The following ATF7IP2 variants were observed in gnomAD, a reference collection of about 807,000 sequenced individuals.
ATF7IP2 encodes the protein activating transcription factor 7 interacting protein 2.
In ATF7IP2, 42 loss-of-function variants were observed where a neutral mutation model predicts 64.2. The ratio of observed to expected loss-of-function variants is 0.65; its 90% CI spans 0.51 to 0.85. ATF7IP2 has a LOEUF of 0.85. Ranked by LOEUF, ATF7IP2 falls within the 40% of genes least tolerant of loss-of-function variation. ATF7IP2 has a pLI of 0.00. For synonymous variants in ATF7IP2, 308 were observed against 272.8 expected (o/e 1.13, Z -1.27); for missense variants, 933 against 784.2 (o/e 1.19, Z -2.27).
chr16:10,473,338 A>T, intron 10 of ATF7IP2, 141 bp from the exon 11 acceptor site: 1 of 551,532 alleles, frequency 1.8e-6, no homozygotes, highest in Non-Finnish European at 3.3e-6. Flanking sequence ...TCTTTGGAAT[A>T]GGTAAAGTCA....
intron 6 of ATF7IP2, among the ~76,000 whole-genome samples, chr16:10,436,040 G>A (rs2048408484): frequency 1.3e-5 from 2 of 152,136 alleles, no homozygotes; most frequent in East Asian, 1.9e-4. Context: ...GAAACCACAC[G>A]AGTAATAGGT....
At position 10,483,571 on chromosome 16, in the gene ATF7IP2, G is replaced by T. The variant is rs945362317; in HGVS notation, c.*1322G>T. ...AGTTCAGGCTCCAGAGACTCAAAAC[G>T]GAATGGTTTTCCTTGGCATTTTGTA... On this transcript the variant is annotated 3_prime_UTR_variant, in exon 14 of 14. Coordinates refer to ENST00000562102, the MANE Select transcript of ATF7IP2 (RefSeq NM_001393719.1). 6.6e-6 allele frequency: 1 copy of T among 152,134 alleles called. No homozygotes were observed. Among genetic ancestry groups the T allele is most frequent in the Admixed American group, 6.5e-5 (1 of 15,268 alleles). 9.4% of individuals were successfully genotyped at this position (152,134 alleles called of 1,614,324 possible).
In ATF7IP2 at chr16:10,394,243, C is replaced by G. The variant is rs180851554; in HGVS notation, c.-242+8121C>G. Among the ~76,000 whole-genome samples, 422 of 152,230 alleles carry G rather than the reference C, an allele frequency of 2.8e-3. 2 individuals are homozygous for G. Among genetic ancestry groups the G allele is most frequent in the African/African-American group, 9.7e-3 (402 of 41,548 alleles). On this transcript the variant is annotated intron_variant, in intron 1 of 13. Coordinates refer to ENST00000562102, the MANE Select transcript of ATF7IP2 (RefSeq NM_001393719.1). Reference sequence around the variant, plus strand: ...AGCAACCATAGTAAAGCTATCGTGCCTATACTGATTTCAGACAAAATATAC... The same window carrying G: ...AGCAACCATAGTAAAGCTATCGTGCGTATACTGATTTCAGACAAAATATAC...
intron 12 of ATF7IP2, among the ~76,000 whole-genome samples, chr16:10,476,995 A>C (rs938270724): frequency 6.6e-6 from 1 of 152,202 alleles, no homozygotes; most frequent in Non-Finnish European, 1.5e-5. Flanking sequence ...AGAATGATTA[A>C]TATTCCTTTG....
chr16:10,456,570 C>T (rs947438616), intron 8 of ATF7IP2, among the ~76,000 whole-genome samples: 1 of 152,218 alleles, frequency 6.6e-6, no homozygotes, highest in Non-Finnish European at 1.5e-5. Context: ...TAGCTTCATT[C>T]TTCTGGCTCC....
chr16:10,464,085 C>G (rs2049468898), intron 9 of ATF7IP2, among the ~76,000 whole-genome samples: 1 of 151,822 alleles, frequency 6.6e-6, no homozygotes, highest in Non-Finnish European at 1.5e-5. Flanking sequence ...ATCTTGGTCT[C>G]TCTAGTTATT....
At chr16:10,472,958 TC>T (rs35764338) in intron 10 of ATF7IP2, among the ~76,000 whole-genome samples, 7 of 152,310 alleles carry the variant, frequency 4.6e-5, no homozygotes, top group Admixed American at 4.6e-4. Context: ...TATTCAAAAT[TC>T]CCCATTTTCA....
intron 1 of ATF7IP2, among the ~76,000 whole-genome samples, chr16:10,387,934 G>A (rs887872888): frequency 1.3e-5 from 2 of 148,852 alleles, no homozygotes; most frequent in African/African-American, 2.5e-5. Context: ...GCAGAGATTC[G>A]CTCTTTGGCT....
chr16:10,468,249 G>T (rs1426127593), intron 9 of ATF7IP2, among the ~76,000 whole-genome samples: 1 of 152,146 alleles, frequency 6.6e-6, no homozygotes, highest in Admixed American at 6.5e-5. Context: ...AATGGCAAAT[G>T]TTAGAGTCCC....
At chr16:10,412,032 T>TTTTTTTTTTTTG (rs2047777430) in intron 1 of ATF7IP2, among the ~76,000 whole-genome samples, 1 of 145,226 alleles carries the variant, frequency 6.9e-6, no homozygotes, top group African/African-American at 2.6e-5. Flanking sequence ...TTTTTTTTTT[T>TTTTTTTTTTTTG]TTTTTTTACA....
chr16:10,442,164 A>G (rs777638811), intron 8 of ATF7IP2, among the ~76,000 whole-genome samples: 1 of 152,192 alleles, frequency 6.6e-6, no homozygotes, highest in South Asian at 2.1e-4. Flanking sequence ...GTCAGCTACA[A>G]CCATGGTAGA....
intron 2 of ATF7IP2, among the ~76,000 whole-genome samples, chr16:10,415,552 T>C (rs1432168651): frequency 1.3e-5 from 2 of 152,198 alleles, no homozygotes; most frequent in East Asian, 1.9e-4. Context: ...CTCTAGGACA[T>C]TGTTCTGGGC....
chr16:10,387,882 G>T (rs2047235693), intron 1 of ATF7IP2: 1 of 121,304 alleles, frequency 8.2e-6, no homozygotes, highest in African/African-American at 3.3e-5. Context: ...TATCTATCTC[G>T]TTTATTTTAT....
At chr16:10,442,421 G>C (rs2048659072) in intron 8 of ATF7IP2, among the ~76,000 whole-genome samples, 1 of 152,192 alleles carries the variant, frequency 6.6e-6, no homozygotes, top group African/African-American at 2.4e-5. Context: ...TTTAGTAGGG[G>C]CTGTTTTTAT....
At chr16:10,439,582 G>C (rs2048542201) in intron 7 of ATF7IP2, among the ~76,000 whole-genome samples, 1 of 143,996 alleles carries the variant, frequency 6.9e-6, no homozygotes, top group African/African-American at 2.6e-5. Flanking sequence ...GCCTAGGCTG[G>C]AGTGCAGTCG....
intron 9 of ATF7IP2, among the ~76,000 whole-genome samples, chr16:10,464,055 G>A (rs1002708672): frequency 1.3e-5 from 2 of 152,130 alleles, no homozygotes; most frequent in African/African-American, 2.4e-5. Flanking sequence ...CTGGCCAAGC[G>A]TCCAGCTCAC....
In ATF7IP2 at chr16:10,414,615, G is replaced by A. The variant is rs1357086148; in HGVS notation, c.-203+3G>A. 1 of 136,374 alleles carries A rather than the reference G, an allele frequency of 7.3e-6. No homozygotes were observed. 8.4% of individuals were successfully genotyped at this position (136,374 alleles called of 1,614,324 possible). On this transcript the variant is annotated splice_donor_region_variant and intron_variant, in intron 2 of 13. Transcript: ENST00000562102. ...TTCTTGGTTTGGATCCACTGCTGGT[G>A]AGCTAGTGTGATTGTGTGTGTGTGT...
intron 12 of ATF7IP2, among the ~76,000 whole-genome samples, chr16:10,474,783 A>C (rs1307312889): frequency 6.6e-6 from 1 of 152,234 alleles, no homozygotes; most frequent in South Asian, 2.1e-4. Context: ...TGAAGATACA[A>C]TGCAGGTGAA....
intron 12 of ATF7IP2, among the ~76,000 whole-genome samples, chr16:10,476,342 A>AAAAT (rs1264884090): frequency 1.3e-5 from 2 of 152,244 alleles, no homozygotes; most frequent in Admixed American, 1.3e-4. Flanking sequence ...GAGGATTCAT[A>AAAAT]AAATATATTA....
Sources: gnomAD v4.1 joint callset for allele counts (sites outside exome capture counted in the v4.1 genomes callset) on GRCh38, gnomAD v4.1.1 for gene constraint, MANE v1.5 for transcripts, NCBI Gene and HGNC (gene_info 2026-07-23, HGNC 2026-07-21) for gene names.